Variants in RDX observed in about 807,000 individuals in gnomAD.
The protein encoded by RDX is radixin.
Under a neutral mutation model 83.7 loss-of-function variants are expected in RDX, and 32 were observed. The observed-to-expected ratio is 0.38, with a 90% CI of 0.29 to 0.51. The LOEUF (loss-of-function observed/expected upper bound fraction) is 0.51. RDX is among the 20% of genes least tolerant of loss of function. The probability of loss-of-function intolerance (pLI) is 0.87; values close to 1 mark genes in which losing one functional copy is unlikely to be tolerated. For missense variants in RDX, 600 were observed against 689.9 expected, an observed-to-expected ratio of 0.87 and a Z score of 1.46; for synonymous variants, 229 against 222.7, an observed-to-expected ratio of 1.03 and a Z score of -0.25.
intron 15 of RDX, among the ~76,000 whole-genome samples, chr11:110,198,478 TG>T (rs1042851601): frequency 3.3e-5 from 5 of 152,206 alleles, no homozygotes; most frequent in Non-Finnish European, 5.9e-5. Flanking sequence ...TGTTAGGAAC[TG>T]GGTGGCATAG....
intron 14 of RDX, among the ~76,000 whole-genome samples, chr11:110,210,732 C>A (rs1349128259): frequency 6.6e-6 from 1 of 151,602 alleles, no homozygotes; most frequent in African/African-American, 2.4e-5. Context: ...TCATATCCAG[C>A]CAAATTAAGC....
intron 15 of RDX, among the ~76,000 whole-genome samples, chr11:110,190,333 G>A (rs185030797): frequency 3.9e-5 from 6 of 152,212 alleles, no homozygotes; most frequent in East Asian, 3.9e-4. Flanking sequence ...CTAGCTACTC[G>A]GGAGGCTGAG....
intron 10 of RDX, among the ~76,000 whole-genome samples, chr11:110,244,922 C>A (rs1201304332): frequency 1.3e-5 from 2 of 151,060 alleles, no homozygotes; most frequent in Non-Finnish European, 2.9e-5. Context: ...AATTGAGCCT[C>A]ATACTTGAGA....
At chr11:110,199,583 A>T (rs1414440151) in exon 15 of RDX, 8 of 703,000 alleles carry the variant, frequency 1.1e-5, no homozygotes, top group Non-Finnish European at 2.1e-5. Flanking sequence ...GTACTTACCT[A>T]GTGAGGGAGG....
intron 14 of RDX, among the ~76,000 whole-genome samples, chr11:110,201,957 T>TGTG (rs1863426443): frequency 7.7e-6 from 1 of 129,978 alleles, no homozygotes; most frequent in African/African-American, 2.8e-5. Flanking sequence ...GTGTGTGTGT[T>TGTG]TTCAGTAGAG....
At chr11:110,268,808 C>CT (rs1860169331) in intron 3 of RDX, among the ~76,000 whole-genome samples, 1 of 151,782 alleles carries the variant, frequency 6.6e-6, no homozygotes, top group Non-Finnish European at 1.5e-5. Flanking sequence ...TGAGGCTGTC[C>CT]TTTAAGCTCC....
At chr11:110,260,405 T>TA (rs1859754142) in intron 5 of RDX, among the ~76,000 whole-genome samples, 1 of 152,318 alleles carries the variant, frequency 6.6e-6, no homozygotes, top group Admixed American at 6.5e-5. Flanking sequence ...ATCAAAGTAT[T>TA]CTTTTACCTT....
intron 15 of RDX, chr11:110,181,887 A>G (rs1862894148): frequency 6.6e-6 from 1 of 152,316 alleles, no homozygotes; most frequent in Non-Finnish European, 1.5e-5. Flanking sequence ...TTACCACCTC[A>G]GACTCAGACC....
intron 1 of RDX, 83 bp downstream of exon 1, chr11:110,296,384 C>T (rs1483396703): frequency 6.6e-6 from 1 of 151,674 alleles, no homozygotes; most frequent in Non-Finnish European, 1.5e-5. Flanking sequence ...GCAGCACGGG[C>T]CCCGCAACTT....
intron 1 of RDX, among the ~76,000 whole-genome samples, chr11:110,294,263 C>T (rs574621986): frequency 2.5e-4 from 38 of 152,282 alleles, no homozygotes; most frequent in Non-Finnish European, 4.0e-4. Flanking sequence ...GGCATGGTGG[C>T]GCACGCCTGT....
intron 15 of RDX, among the ~76,000 whole-genome samples, chr11:110,181,371 C>T (rs984111094): frequency 6.6e-6 from 1 of 152,162 alleles, no homozygotes; most frequent in Non-Finnish European, 1.5e-5. Context: ...ATCATGTTGG[C>T]CAGGCTGGTC....
intron 15 of RDX, among the ~76,000 whole-genome samples, chr11:110,178,429 T>A (rs950174254): frequency 6.6e-6 from 1 of 152,042 alleles, no homozygotes; most frequent in African/African-American, 2.4e-5. Context: ...GAACTAAGGG[T>A]CACCACTGCC....
chr11:110,274,255 G>A (rs1222607106), intron 2 of RDX, among the ~76,000 whole-genome samples: 5 of 151,968 alleles, frequency 3.3e-5, no homozygotes, highest in South Asian at 4.2e-4. Context: ...ACAAGAAATG[G>A]TAAATAATGT....
chr11:110,244,363 CAAAAAAAAAAA>C (rs71053874), intron 10 of RDX, among the ~76,000 whole-genome samples: 240 of 51,338 alleles, frequency 4.7e-3, no homozygotes, highest in African/African-American at 0.017. Context: ...GATTCTGGCT[CAAAAAAAAAAA>C]AAAAAAAAAA....
At chr11:110,198,190 G>C (rs1366588399) in intron 15 of RDX, among the ~76,000 whole-genome samples, 2 of 151,626 alleles carry the variant, frequency 1.3e-5, no homozygotes, top group African/African-American at 2.4e-5. Context: ...ACTTTGGGAG[G>C]CTTAATCAGC....
At position 110,231,560 on chromosome 11, in the gene RDX, C is replaced by T; in HGVS notation, c.*309G>A. The T allele has an allele frequency of 2.6e-6, 1 of 379,690 alleles. No individual in the cohort carries two copies. The highest frequency in any genetic ancestry group is 2.7e-5 in the South Asian group (1 of 37,470). The allele number at this position is 379,690 out of a possible 1,614,324, so 23.5% of individuals were successfully genotyped here. A position where few individuals can be genotyped will look rare whatever the true frequency, so the allele number is the denominator to read the frequency against. The stretch of plus-strand genomic sequence containing the variant: ...GTACACAGAACTGAAACCACACATA[C>T]ACATTTGTCAGACGTGATAATTAGT... On this transcript the variant is annotated 3_prime_UTR_variant, in exon 14 of 14. Transcript: ENST00000645495.
intron 5 of RDX, among the ~76,000 whole-genome samples, chr11:110,259,135 G>A (rs532813550): frequency 6.6e-5 from 10 of 151,630 alleles, no homozygotes; most frequent in African/African-American, 2.2e-4. Context: ...ACGGGGTTTC[G>A]CCATGTTGGC....
chr11:110,247,687 A>G lies in RDX; in HGVS notation c.1090+16T>C, dbSNP rs1197949944. On this transcript the variant is annotated intron_variant, in intron 10 of 13. Coordinates refer to ENST00000645495, the MANE Select transcript of RDX (RefSeq NM_002906.4). ...AATAATAATTTTTAATCCATTTTCAAAAAAGAAACTTTTACCTTTCTGAGC... is the reference window on the plus strand; with the variant it reads ...AATAATAATTTTTAATCCATTTTCAGAAAAGAAACTTTTACCTTTCTGAGC... The G allele has an allele frequency of 8.7e-6, 14 of 1,608,862 alleles. No homozygotes were observed. Among genetic ancestry groups the G allele is most frequent in the Non-Finnish European group, 1.2e-5 (14 of 1,178,778 alleles).
intron 3 of RDX, among the ~76,000 whole-genome samples, chr11:110,270,054 T>G (rs1190414684): frequency 6.6e-6 from 1 of 152,070 alleles, no homozygotes; most frequent in Non-Finnish European, 1.5e-5. Flanking sequence ...AAAAAAAATT[T>G]TTTTTTAATA....
Sources: allele counts gnomAD v4.1 joint callset (sites outside exome capture counted in the v4.1 genomes callset), GRCh38; gene constraint gnomAD v4.1.1; transcripts MANE v1.5; gene names NCBI Gene and HGNC (gene_info 2026-07-23, HGNC 2026-07-21).